MYO16: variants seen among roughly 807,000 people sequenced by gnomAD.
MYO16 encodes the protein myosin XVI, also known as unconventional myosin-XVI.
In MYO16, 94 loss-of-function variants were observed where a neutral mutation model predicts 205.3. The observed-to-expected ratio is 0.46, with a 90% CI of 0.39 to 0.54. The LOEUF is 0.54. MYO16 is among the 20% of genes least tolerant of loss of function. The probability of loss-of-function intolerance (pLI) is 0.00; values close to 1 mark genes in which losing one functional copy is unlikely to be tolerated. For missense variants in MYO16, 2,315 were observed against 2,387.5 expected, an observed-to-expected ratio of 0.97 and a Z score of 0.63; for synonymous variants, 988 against 954.0, an observed-to-expected ratio of 1.04 and a Z score of -0.66.
chr13:108,510,378 A>G, the MYO16 span, among the ~76,000 whole-genome samples: 1 of 149,832 alleles, frequency 6.7e-6, no homozygotes, highest in Admixed American at 6.6e-5. Context: ...TGGCGTCCCA[A>G]AGTGCTGGGA....
the MYO16 span, among the ~76,000 whole-genome samples, chr13:108,571,584 G>A: frequency 4.6e-5 from 7 of 152,024 alleles, no homozygotes; most frequent in Non-Finnish European, 8.8e-5. Flanking sequence ...CTGCTACCTG[G>A]AGCCACTCTC....
chr13:108,688,178 G>A (rs557100479), intron 2 of MYO16, among the ~76,000 whole-genome samples: 5 of 151,998 alleles, frequency 3.3e-5, no homozygotes, highest in Non-Finnish European at 7.4e-5. Context: ...CTAATTACAA[G>A]GGCCTTAATT....
At chr13:109,018,157 A>T (rs1885891526) in intron 22 of MYO16, among the ~76,000 whole-genome samples, 2 of 151,978 alleles carry the variant, frequency 1.3e-5, no homozygotes, top group South Asian at 2.1e-4. Flanking sequence ...TTTGGTGTGG[A>T]TGCCCTTTTT....
rs1389408193 is a variant in MYO16, at chr13:109,105,649, A to T, written c.3438+4762A>T. 2.6e-5 allele frequency among the ~76,000 whole-genome samples: 4 copies of T among 152,360 alleles called. No homozygotes were observed. The East Asian group carries it at 7.7e-4, about 29-fold the overall frequency. On this transcript the variant is annotated intron_variant, in intron 28 of 34. Coordinates refer to ENST00000457511, the MANE Select transcript of MYO16 (RefSeq NM_001198950.3). ...TACATAAATGTAATTTTAGCATAGA[A>T]TACTATATAGGGTCAAATTAATTAT...
At chr13:108,796,942 TAAAATTAAAA>T (rs1236668926) in intron 6 of MYO16, among the ~76,000 whole-genome samples, 1 of 149,862 alleles carries the variant, frequency 6.7e-6, no homozygotes, top group Non-Finnish European at 1.5e-5. Context: ...AAATTAAAAT[TAAAATTAAAA>T]AAAAAGAACT....
chr13:108,718,762 T>C (rs1461760982), intron 3 of MYO16, among the ~76,000 whole-genome samples: 2 of 152,118 alleles, frequency 1.3e-5, no homozygotes, highest in Non-Finnish European at 2.9e-5. Flanking sequence ...CATTGTCTTT[T>C]GGGTCCTTGA....
At chr13:108,683,098 T>C (rs1459577305) in intron 2 of MYO16, among the ~76,000 whole-genome samples, 1 of 152,228 alleles carries the variant, frequency 6.6e-6, no homozygotes, top group Non-Finnish European at 1.5e-5. Flanking sequence ...AAATAGTATC[T>C]CCTTCAGAAA....
chr13:109,170,370 C>T (rs1439567866), intron 33 of MYO16, among the ~76,000 whole-genome samples: 1 of 152,050 alleles, frequency 6.6e-6, no homozygotes, highest in Non-Finnish European at 1.5e-5. Flanking sequence ...ACAGACCCGC[C>T]TGAAAAGGAA....
Position 109,127,177 on chromosome 13 carries a change from G to GC in MYO16, c.3783-103dup. ...CCAGCCACAGCAGGAAGGGCTGCTTGCCAAAAAGCCGTCATTATGTCTGCT... is the reference window on the plus strand; with the variant it reads ...CCAGCCACAGCAGGAAGGGCTGCTTGCCCAAAAAGCCGTCATTATGTCTGCT... On this transcript the variant is annotated intron_variant, in intron 30 of 34. Coordinates refer to ENST00000457511, the MANE Select transcript of MYO16 (RefSeq NM_001198950.3). This position sits in a 1 kb window ranked among gnomAD's most constrained non-coding sequence, Gnocchi z 4.2. 1 of 1,392,184 alleles carries GC rather than the reference G, an allele frequency of 7.2e-7. No individual in the cohort carries two copies. 86.2% of individuals were successfully genotyped at this position (1,392,184 alleles called of 1,614,324 possible).
chr13:108,933,335 T>C (rs948722074), intron 16 of MYO16, among the ~76,000 whole-genome samples: 12 of 152,140 alleles, frequency 7.9e-5, no homozygotes, highest in Non-Finnish European at 1.5e-4. Flanking sequence ...CCACATGGTC[T>C]CAGAAGTGGA....
At chr13:108,578,880 T>C in the MYO16 span, among the ~76,000 whole-genome samples, 5 of 149,692 alleles carry the variant, frequency 3.3e-5, no homozygotes, top group African/African-American at 4.9e-5. Flanking sequence ...TTATTATACA[T>C]TATAATTATA....
At position 108,844,645 on chromosome 13, in the gene MYO16, CAATT is replaced by C. The variant is rs1258634610; in HGVS notation, c.1248+154_1248+157del. On this transcript the variant is annotated intron_variant, in intron 10 of 34. Coordinates refer to ENST00000457511, the MANE Select transcript of MYO16 (RefSeq NM_001198950.3). ...ATATTTTGCTTGCAGTTTTCATAAA[CAATT>C]AGTGCATTCTGCTGATCAACAAACA... 20 of 770,164 alleles carry C rather than the reference CAATT, an allele frequency of 2.6e-5. No individual in the cohort carries two copies. In the African/African-American group the frequency reaches 2.6e-4, roughly 10 times the overall value. The allele number at this position is 770,164 out of a possible 1,614,324, so 47.7% of individuals were successfully genotyped here.
At chr13:109,017,482 T>C (rs1489591231) in intron 22 of MYO16, among the ~76,000 whole-genome samples, 2 of 152,162 alleles carry the variant, frequency 1.3e-5, no homozygotes, top group Non-Finnish European at 2.9e-5. Flanking sequence ...TATGGTGTTC[T>C]CTGTATTTCC....
At chr13:108,616,847 TA>T (rs1214976581) in intron 1 of MYO16, among the ~76,000 whole-genome samples, 2 of 152,166 alleles carry the variant, frequency 1.3e-5, no homozygotes, top group African/African-American at 4.8e-5. Context: ...AGAGGAAAGA[TA>T]AAGTATTGTG....
intron 16 of MYO16, among the ~76,000 whole-genome samples, chr13:108,921,009 A>G (rs917686444): frequency 5.9e-5 from 9 of 152,190 alleles, no homozygotes; most frequent in Admixed American, 4.6e-4. Context: ...ACACCTGCAC[A>G]GTTCCACATG....
At chr13:108,777,601 G>C (rs944906483) in intron 4 of MYO16, among the ~76,000 whole-genome samples, 1 of 152,142 alleles carries the variant, frequency 6.6e-6, no homozygotes, top group Non-Finnish European at 1.5e-5. Flanking sequence ...GCACCACTGG[G>C]TACCCACCAC....
At chr13:108,680,665 G>A (rs182150525) in intron 2 of MYO16, among the ~76,000 whole-genome samples, 6 of 152,226 alleles carry the variant, frequency 3.9e-5, no homozygotes, top group Non-Finnish European at 7.4e-5. Context: ...GGAGAAATTG[G>A]TCTTACTACT....
At chr13:109,175,679 GC>G (rs1272162173) in intron 33 of MYO16, among the ~76,000 whole-genome samples, 1 of 152,156 alleles carries the variant, frequency 6.6e-6, no homozygotes, top group Non-Finnish European at 1.5e-5. Context: ...TTAACTCCAA[GC>G]CTGGTCTGGG....
intron 16 of MYO16, among the ~76,000 whole-genome samples, chr13:108,922,558 CTTA>C (rs1312275308): frequency 2.0e-5 from 3 of 152,162 alleles, no homozygotes; most frequent in Non-Finnish European, 4.4e-5. Context: ...AAATCCGGTG[CTTA>C]TGTAATCAGA....
Sources: allele counts gnomAD v4.1 joint callset (sites outside exome capture counted in the v4.1 genomes callset), GRCh38; gene constraint gnomAD v4.1.1; non-coding constraint Gnocchi (gnomAD v3.1); transcripts MANE v1.5; gene names NCBI Gene and HGNC (gene_info 2026-07-23, HGNC 2026-07-21).